ADAMTSL3: variants seen among roughly 807,000 people sequenced by gnomAD.
The protein encoded by ADAMTSL3 is ADAMTS-like protein 3.
ADAMTSL3 carries 128 observed loss-of-function variants against 201.7 expected under a neutral mutation model. That is an observed-to-expected ratio of 0.63 (90% confidence interval 0.55 to 0.73). ADAMTSL3 has a LOEUF of 0.73. Among genes scored for constraint, ADAMTSL3 ranks in the 30% least tolerant of loss-of-function variants. The pLI, the probability that ADAMTSL3 is intolerant of heterozygous loss-of-function variation, is 0.00. For missense variants in ADAMTSL3, 1,990 were observed against 2,119.6 expected (o/e 0.94, Z 1.20); for synonymous variants, 738 against 748.4 (o/e 0.99, Z 0.23).
chr15:83,995,479 T>G lies in ADAMTSL3; in HGVS notation c.3973+4265T>G, dbSNP rs78299839. Among the ~76,000 whole-genome samples, 516 of 152,242 alleles carry G rather than the reference T, an allele frequency of 3.4e-3. 1 individual carries two copies. The highest frequency in any genetic ancestry group is 0.012 in the African/African-American group (490 of 41,528). On this transcript the variant is annotated intron_variant, in intron 23 of 29. Coordinates refer to ENST00000286744, the MANE Select transcript of ADAMTSL3 (RefSeq NM_207517.3). ...GTCCCATTAAAGTCAGGAAAAAACA[T>G]ACGATGCCCTTTATCACTATATCTG...
intron 9 of ADAMTSL3, among the ~76,000 whole-genome samples, chr15:83,879,845 T>C (rs1196437732): frequency 2.6e-5 from 4 of 152,202 alleles, no homozygotes; most frequent in Non-Finnish European, 5.9e-5. Flanking sequence ...CATTGTGCCT[T>C]CTGTATTTTG....
At position 83,991,148 on chromosome 15, in the gene ADAMTSL3, G is replaced by T; in HGVS notation, c.3907G>T (p.Val1303Phe). The T allele has an allele frequency of 6.2e-7, 1 of 1,614,244 alleles. No individual in the cohort carries two copies. Among genetic ancestry groups the T allele is most frequent in the Non-Finnish European group, 8.5e-7 (1 of 1,180,034 alleles). ...CAAACCAGAGCACAACCATCTGTCT[G>T]TTGTGGTTGGAGGCATCGTGGAGGC... ...ITKPEHNHLS[V>F]VVGGIVEAAL... The change falls in exon 23 of 30, where the codon GTT becomes TTT. Residue 1303 changes from valine to phenylalanine, a missense_variant. By Grantham distance (50) the Val-to-Phe change is conservative. Transcript: ENST00000286744.
At chr15:83,721,832 A>G (rs2141576738) in intron 3 of ADAMTSL3, among the ~76,000 whole-genome samples, 1 of 152,278 alleles carries the variant, frequency 6.6e-6, no homozygotes, top group East Asian at 1.9e-4. Flanking sequence ...TCCTGGGTTC[A>G]AGCGATTCTC....
chr15:83,712,704 T>A (rs1413870346), intron 3 of ADAMTSL3, among the ~76,000 whole-genome samples: 1 of 152,224 alleles, frequency 6.6e-6, no homozygotes, highest in Non-Finnish European at 1.5e-5. Context: ...GGGCAGTGAC[T>A]GATGGCCCTT....
chr15:83,797,237 G>A (rs1018583772), intron 4 of ADAMTSL3, among the ~76,000 whole-genome samples: 1 of 152,118 alleles, frequency 6.6e-6, no homozygotes, highest in Admixed American at 6.5e-5. Context: ...CAAAGAATAT[G>A]AACAGGAAAT....
intron 3 of ADAMTSL3, among the ~76,000 whole-genome samples, chr15:83,729,859 G>T (rs1341741813): frequency 6.6e-6 from 1 of 151,966 alleles, no homozygotes; most frequent in South Asian, 2.1e-4. Flanking sequence ...GATATTTATT[G>T]TCGTCTTCTC....
intron 27 of ADAMTSL3, among the ~76,000 whole-genome samples, chr15:84,029,787 T>A (rs908026662): frequency 6.6e-6 from 1 of 152,028 alleles, no homozygotes; most frequent in Non-Finnish European, 1.5e-5. Flanking sequence ...CCCTGAGGCA[T>A]AGGAGAAAAA....
intron 2 of ADAMTSL3, among the ~76,000 whole-genome samples, chr15:83,657,110 A>G (rs1243240457): frequency 1.3e-5 from 2 of 152,198 alleles, no homozygotes; most frequent in Non-Finnish European, 2.9e-5. Context: ...ATGACTGTTG[A>G]GGTAAAAGCG....
intron 28 of ADAMTSL3, among the ~76,000 whole-genome samples, 184 bp from the exon 29 acceptor site, chr15:84,036,589 G>A (rs1401013296): frequency 2.0e-5 from 3 of 152,192 alleles, no homozygotes; most frequent in Non-Finnish European, 2.9e-5. Flanking sequence ...AGGTGGTGGA[G>A]AATGTTGTCA....
At chr15:83,690,919 T>C (rs967908782) in intron 2 of ADAMTSL3, among the ~76,000 whole-genome samples, 1 of 152,226 alleles carries the variant, frequency 6.6e-6, no homozygotes, top group Non-Finnish European at 1.5e-5. Context: ...AGCACAAATA[T>C]GCCTTGTCAA....
chr15:83,821,219 C>T (rs1442531283), intron 6 of ADAMTSL3, among the ~76,000 whole-genome samples: 2 of 151,464 alleles, frequency 1.3e-5, no homozygotes, highest in East Asian at 3.9e-4. Context: ...TTATTCTTTC[C>T]TTTCACTTAC....
chr15:83,986,100 A>G (rs1170244542), intron 21 of ADAMTSL3, among the ~76,000 whole-genome samples: 6 of 152,156 alleles, frequency 3.9e-5, no homozygotes, highest in Non-Finnish European at 8.8e-5. Flanking sequence ...AAAGGTCAAT[A>G]CCGTTTTTAA....
chr15:83,735,855 A>G (rs2062362261), intron 3 of ADAMTSL3, among the ~76,000 whole-genome samples: 1 of 152,108 alleles, frequency 6.6e-6, no homozygotes, highest in African/African-American at 2.4e-5. Context: ...GAAAGAGGCT[A>G]CCAATAAAGT....
At chr15:84,022,358 A>C (rs568179435) in intron 26 of ADAMTSL3, among the ~76,000 whole-genome samples, 3 of 152,350 alleles carry the variant, frequency 2.0e-5, no homozygotes, top group Non-Finnish European at 4.4e-5. Flanking sequence ...TAGTTTCATT[A>C]GGTTTCTACC....
At chr15:84,025,785 A>T (rs1471207049) in intron 27 of ADAMTSL3, among the ~76,000 whole-genome samples, 1 of 152,200 alleles carries the variant, frequency 6.6e-6, no homozygotes, top group East Asian at 1.9e-4. Flanking sequence ...TTCATCCCAA[A>T]TGCCACCTTT....
chr15:83,998,227 G>A (rs529842677), intron 23 of ADAMTSL3, among the ~76,000 whole-genome samples: 37 of 152,244 alleles, frequency 2.4e-4, no homozygotes, highest in Admixed American at 1.6e-3. Flanking sequence ...CAAGGTGGGC[G>A]GATCACCTGA....
chr15:83,781,653 A>G (rs756900993), intron 4 of ADAMTSL3, among the ~76,000 whole-genome samples: 3 of 152,192 alleles, frequency 2.0e-5, no homozygotes, highest in Non-Finnish European at 4.4e-5. Flanking sequence ...AACTATCAAT[A>G]GAGTGAACAG....
intron 3 of ADAMTSL3, among the ~76,000 whole-genome samples, chr15:83,752,804 C>T (rs1484529383): frequency 6.6e-6 from 1 of 152,208 alleles, no homozygotes; most frequent in East Asian, 1.9e-4. Context: ...TTACAACCCA[C>T]TGAAGTTTAC....
intron 22 of ADAMTSL3, among the ~76,000 whole-genome samples, chr15:83,990,437 A>T (rs1290826344): frequency 1.3e-5 from 2 of 152,198 alleles, no homozygotes; most frequent in Non-Finnish European, 2.9e-5. Context: ...TCGAAAGAGG[A>T]GATACTTCTC....
Sources: allele counts gnomAD v4.1 joint callset (sites outside exome capture counted in the v4.1 genomes callset), GRCh38; gene constraint gnomAD v4.1.1; transcripts MANE v1.5; gene names NCBI Gene and HGNC (gene_info 2026-07-23, HGNC 2026-07-21).